The following HIVEP2 variants were observed in gnomAD, a reference collection of about 807,000 sequenced individuals.
The protein encoded by HIVEP2 is HIVEP zinc finger 2.
A neutral mutation model predicts 180.7 loss-of-function variants in HIVEP2; 14 were observed. That is an observed-to-expected ratio of 0.08 (90% CI 0.05 to 0.12). The LOEUF (loss-of-function observed/expected upper bound fraction) is 0.12. HIVEP2 is among the 10% of genes least tolerant of loss of function. The pLI, the probability that HIVEP2 is intolerant of heterozygous loss-of-function variation, is 1.00. For missense variants in HIVEP2, 2,579 were observed against 3,008.5 expected (o/e 0.86, Z 3.34); for synonymous variants, 1,184 against 1,136.4 (o/e 1.04, Z -0.84).
chr6:142,788,635 C>T lies in HIVEP2; in HGVS notation c.-527-5020G>A, dbSNP rs113056671. On this transcript the variant is annotated intron_variant, in intron 2 of 9. Coordinates refer to ENST00000367603, the MANE Select transcript of HIVEP2 (RefSeq NM_006734.4). The stretch of plus-strand genomic sequence containing the variant: ...GGCTGAGGCAGGAAAATCTCTTGAA[C>T]CCGGGAAGCAGAGGTTGCAGTGAGC... 1.8e-3 allele frequency among the ~76,000 whole-genome samples: 274 copies of T among 152,226 alleles called. 2 individuals are homozygous for T. The highest frequency in any genetic ancestry group is 6.3e-3 in the African/African-American group (263 of 41,554).
chr6:142,769,521 A>G (rs533748769), intron 5 of HIVEP2, 31 bp downstream of exon 5: 3 of 1,586,332 alleles, frequency 1.9e-6, no homozygotes, highest in East Asian at 4.5e-5. Flanking sequence ...AATCCACAAT[A>G]CAAAGTTCTT....
Position 142,759,708 on chromosome 6 carries a change from G to T in HIVEP2, c.6516+64C>A. On this transcript the variant is annotated intron_variant, in intron 9 of 9. Coordinates refer to ENST00000367603, the MANE Select transcript of HIVEP2 (RefSeq NM_006734.4). ...ATGTTCTACTAAACTTCACACCAGT[G>T]CATTATCAGGAGGACCAATGTGCTT... 3.1e-6 allele frequency: 4 copies of T among 1,275,420 alleles called. No individual in the cohort carries two copies. The South Asian group carries it at 5.6e-5, about 18-fold the overall frequency. The allele number at this position is 1,275,420 out of a possible 1,614,324, so 79.0% of individuals were successfully genotyped here.
chr6:142,778,969 T>C (rs1775772908), intron 3 of HIVEP2, among the ~76,000 whole-genome samples: 1 of 152,200 alleles, frequency 6.6e-6, no homozygotes, highest in African/African-American at 2.4e-5. Flanking sequence ...TGCCATTTCC[T>C]AGAAATAAAA....
rs898729440 is a variant in HIVEP2 at position 142,882,255 on chromosome 6, T to C, written c.-640-45208A>G. Among the ~76,000 whole-genome samples the C allele has an allele frequency of 3.3e-5, 5 of 152,310 alleles. No homozygotes were observed. In the East Asian group the frequency reaches 9.6e-4, roughly 29 times the overall value. ...AACATTTTAAAACTTGGATAATCAC[T>C]AAGAAGAATTCCTAAAGCTAAAGAG... On this transcript the variant is annotated intron_variant, in intron 1 of 9. Coordinates refer to ENST00000367603, the MANE Select transcript of HIVEP2 (RefSeq NM_006734.4).
chr6:142,896,330 C>A lies in HIVEP2; in HGVS notation c.-641+48769G>T, dbSNP rs538357416. 3.9e-5 allele frequency among the ~76,000 whole-genome samples: 6 copies of A among 152,328 alleles called. 1 individual carries two copies. The South Asian group carries it at 1.2e-3, about 32-fold the overall frequency. On this transcript the variant is annotated intron_variant, in intron 1 of 9. Coordinates refer to ENST00000367603, the MANE Select transcript of HIVEP2 (RefSeq NM_006734.4). ...CTTTCACTATTGTCTCTGAATTCCA[C>A]TGTGAACCACTTTGCCCTTTGTCTT...
intron 1 of HIVEP2, among the ~76,000 whole-genome samples, chr6:142,939,965 G>C (rs1401695992): frequency 6.6e-6 from 1 of 152,092 alleles, no homozygotes; most frequent in Non-Finnish European, 1.5e-5. Flanking sequence ...CTACTCTTTT[G>C]CTTCATATTT....
intron 1 of HIVEP2, among the ~76,000 whole-genome samples, chr6:142,841,232 A>T (rs780075788): frequency 6.6e-6 from 1 of 152,160 alleles, no homozygotes; most frequent in African/African-American, 2.4e-5. Flanking sequence ...CCAATTCCAA[A>T]TTATCCATAA....
At chr6:142,937,894 G>A (rs564759068) in intron 1 of HIVEP2, among the ~76,000 whole-genome samples, 1 of 152,316 alleles carries the variant, frequency 6.6e-6, no homozygotes, top group South Asian at 2.1e-4. Context: ...AGCCTGGGAT[G>A]GAGCCTGGCA....
Position 142,774,501 on chromosome 6 carries a change from C to A in HIVEP2, c.238G>T (p.Ala80Ser). 2 of 1,614,090 alleles carry A rather than the reference C, an allele frequency of 1.2e-6. No homozygotes were observed. The highest frequency in any genetic ancestry group is 1.7e-6 in the Non-Finnish European group (2 of 1,180,026). Residue 80 changes from alanine (A) to serine (S), a missense_variant, in exon 5 of 10, where the codon GCA becomes TCA. Transcript: ENST00000367603. The surrounding 1 kb of genome is among the most constrained non-coding windows in gnomAD (Gnocchi z 5.1). ...ASPSEVVQQV[A>S]EKQYPPHRPS... ...CGATGCGGTGGATATTGCTTCTCTG[C>A]GACTTGCTGCACCACTTCACTAGGG...
intron 1 of HIVEP2, among the ~76,000 whole-genome samples, chr6:142,902,608 TC>T (rs1466972648): frequency 2.6e-5 from 4 of 152,230 alleles, no homozygotes; most frequent in Admixed American, 1.3e-4. Flanking sequence ...TCAGAACACC[TC>T]AGTATGACAT....
intron 1 of HIVEP2, among the ~76,000 whole-genome samples, chr6:142,926,124 T>G (rs1214485062): frequency 6.6e-6 from 1 of 152,240 alleles, no homozygotes; most frequent in Non-Finnish European, 1.5e-5. Flanking sequence ...TTCATGCAAA[T>G]TTAAACTTTT....
At chr6:142,940,667 T>TATTTATACC (rs148330786) in intron 1 of HIVEP2, among the ~76,000 whole-genome samples, 1,539 of 152,336 alleles carry the variant, frequency 0.01, 25 homozygotes, top group African/African-American at 0.034. Context: ...TTCGGGTCAT[T>TATTTATACC]ATTTATACCC....
In HIVEP2 at chr6:142,753,392, C is replaced by T. The variant is rs761746694; in HGVS notation, c.7056G>A (p.Ala2352=). 3 of 1,613,932 alleles carry T rather than the reference C, an allele frequency of 1.9e-6. 1 individual carries two copies. The highest frequency in any genetic ancestry group is 2.2e-5 in the South Asian group (2 of 91,084). ...EAALLGPDQP[A]RVQEPHQNPL... ...GGTTCTGGTGGGGCTCCTGCACCCG[C>T]GCTGGCTGATCTGGCCCGAGCAGAG... Residue 2352 remains alanine, a synonymous_variant, in exon 10 of 10, where the codon GCG becomes GCA. Coordinates refer to ENST00000367603, the MANE Select transcript of HIVEP2 (RefSeq NM_006734.4).
At chr6:142,899,836 G>T (rs1424579293) in intron 1 of HIVEP2, among the ~76,000 whole-genome samples, 1 of 152,188 alleles carries the variant, frequency 6.6e-6, no homozygotes, top group African/African-American at 2.4e-5. Context: ...AGAGGTGAAA[G>T]GAAAAGGGTG....
intron 1 of HIVEP2, among the ~76,000 whole-genome samples, chr6:142,865,410 A>T (rs1308828388): frequency 1.3e-5 from 2 of 150,944 alleles, no homozygotes; most frequent in Non-Finnish European, 3.0e-5. Context: ...TATGCTACCA[A>T]CTAGTGAAGG....
At position 142,760,202 on chromosome 6, in the gene HIVEP2, G is replaced by A; in HGVS notation, c.6086C>T (p.Pro2029Leu). Reference protein sequence around the residue: ...PSCMDEECMLPSEPSSSPRDF... With the variant: ...PSCMDEECMLLSEPSSSPRDF... ...CCTGGGAGAGGAGCTTGGCTCTGAA[G>A]GTAGCATGCACTCCTCATCCATACA... Residue 2029 changes from proline (P) to leucine (L), a missense_variant, in exon 9 of 10, where the codon CCT (proline) becomes CTT (leucine). Pro to Leu is a moderately conservative substitution (Grantham distance 98). Around this residue, in one of 11 missense-constraint regions of HIVEP2, gnomAD observed 660 missense variants for 731.7 expected, o/e 0.90. Transcript: ENST00000367603. 6.2e-7 allele frequency: 1 copy of A among 1,614,062 alleles called. No individual in the cohort carries two copies.
chr6:142,894,585 A>G (rs1263113367), intron 1 of HIVEP2, among the ~76,000 whole-genome samples: 1 of 152,234 alleles, frequency 6.6e-6, no homozygotes, highest in Non-Finnish European at 1.5e-5. Flanking sequence ...AGGTACTTTT[A>G]ACAGTGAACT....
intron 6 of HIVEP2, among the ~76,000 whole-genome samples, chr6:142,767,586 C>G (rs1413443874): frequency 6.6e-6 from 1 of 152,154 alleles, no homozygotes; most frequent in African/African-American, 2.4e-5. Flanking sequence ...ATCATAATCT[C>G]CAAAATGTGG....
At chr6:142,793,707 T>G (rs1208489305) in intron 2 of HIVEP2, among the ~76,000 whole-genome samples, 1 of 126,112 alleles carries the variant, frequency 7.9e-6, no homozygotes, top group African/African-American at 3.2e-5. Context: ...CTGTCTGTCT[T>G]TCTTTCCTTC....
Sources: allele counts gnomAD v4.1 joint callset (sites outside exome capture counted in the v4.1 genomes callset), GRCh38; gene constraint gnomAD v4.1.1; regional missense constraint gnomAD v4.1.1; non-coding constraint Gnocchi (gnomAD v3.1); transcripts MANE v1.5; gene names NCBI Gene and HGNC (gene_info 2026-07-23, HGNC 2026-07-21).